Variants in NELL2 observed in about 807,000 individuals in gnomAD.
NELL2 encodes protein kinase C-binding protein NELL2.
NELL2 carries 41 observed loss-of-function variants against 109.6 expected under a neutral mutation model. That is an observed-to-expected ratio of 0.37 (90% CI 0.29 to 0.49). NELL2 has a LOEUF of 0.49. Among genes scored for constraint, NELL2 ranks in the 20% least tolerant of loss-of-function variants. The probability of loss-of-function intolerance (pLI) is 0.98; values close to 1 mark genes in which losing one functional copy is unlikely to be tolerated. For synonymous variants in NELL2, 355 were observed against 344.7 expected (o/e 1.03, Z -0.33); for missense variants, 900 against 1,008.3 (o/e 0.89, Z 1.45).
chr12:44,528,059 C>T (rs1005275100), intron 16 of NELL2, among the ~76,000 whole-genome samples: 3 of 127,568 alleles, frequency 2.4e-5, no homozygotes, highest in African/African-American at 6.0e-5. Context: ...GATCGCCTCA[C>T]TGCACTCCAG....
chr12:44,875,597 C>G (rs559597201), intron 1 of NELL2: 1 of 1,613,562 alleles, frequency 6.2e-7, no homozygotes, highest in East Asian at 2.2e-5. Context: ...AGTTCCCCCT[C>G]AGCCCTCCGA....
chr12:44,686,917 C>T (rs1592335522), intron 12 of NELL2, among the ~76,000 whole-genome samples: 1 of 152,176 alleles, frequency 6.6e-6, no homozygotes, highest in Non-Finnish European at 1.5e-5. Flanking sequence ...GGCAGGCAGG[C>T]CTCCTTGAGC....
At position 44,523,460 on chromosome 12, in the gene NELL2, C is replaced by T. The variant is rs773873793; in HGVS notation, c.1829G>A (p.Arg610Lys). 2.5e-6 allele frequency: 4 copies of T among 1,613,836 alleles called. No individual in the cohort carries two copies. The East Asian group carries it at 8.9e-5, about 36-fold the overall frequency. The change falls in exon 17 of 20, where the codon AGG (arginine) becomes AAG (lysine). Residue 610 changes from arginine (R) to lysine (K), a missense_variant. Transcript: ENST00000429094. ...CEDIDECGTG[R>K]HSCANDTICF... ...AATGGTATCATTGGCACAGCTGTGC[C>T]TCCCGGTCCCACACTCATCAATATC...
At chr12:44,615,368 C>T (rs1945782509) in intron 13 of NELL2, among the ~76,000 whole-genome samples, 1 of 152,046 alleles carries the variant, frequency 6.6e-6, no homozygotes, top group Admixed American at 6.6e-5. Flanking sequence ...ATAATCATAG[C>T]TAAAATTCAG....
At position 44,773,765 on chromosome 12, in the gene NELL2, G is replaced by A. The variant is rs1941642732; in HGVS notation, c.994+982C>T. ...CTAATACAGTCTTATGAGACGGACTGGCTTCAATGTAAAGCCTAATAGAAT... is the reference window on the plus strand; with the variant it reads ...CTAATACAGTCTTATGAGACGGACTAGCTTCAATGTAAAGCCTAATAGAAT... On this transcript the variant is annotated intron_variant, in intron 9 of 19. Transcript: ENST00000429094. Among the ~76,000 whole-genome samples, 3 of 152,216 alleles carry A rather than the reference G, an allele frequency of 2.0e-5. No homozygotes were observed. The South Asian group carries it at 6.2e-4, about 32-fold the overall frequency.
At chr12:44,898,305 A>G (rs1226410916) in intron 1 of NELL2, among the ~76,000 whole-genome samples, 2 of 152,148 alleles carry the variant, frequency 1.3e-5, no homozygotes, top group Admixed American at 1.3e-4. Context: ...ATGCCTCCTG[A>G]TGGAGAGACA....
intron 11 of NELL2, 95 bp from the exon 12 acceptor site, chr12:44,703,949 T>C: frequency 9.4e-7 from 1 of 1,068,834 alleles, no homozygotes; most frequent in Non-Finnish European, 1.3e-6. Context: ...AAGCTATGAC[T>C]CCCTAAATAA....
At chr12:44,703,985 A>G (rs906295857) in intron 11 of NELL2, 131 bp from the exon 12 acceptor site, 2 of 716,932 alleles carry the variant, frequency 2.8e-6, no homozygotes, top group Non-Finnish European at 4.4e-6. Flanking sequence ...CTTCATCAAC[A>G]TTTACAGAAG....
At chr12:44,567,824 A>T (rs1225486009) in intron 15 of NELL2, among the ~76,000 whole-genome samples, 6 of 152,122 alleles carry the variant, frequency 3.9e-5, no homozygotes, top group Non-Finnish European at 8.8e-5. Flanking sequence ...ATCTTACAAT[A>T]ATCTTGTACA....
At chr12:44,660,758 T>C (rs190846534) in intron 13 of NELL2, among the ~76,000 whole-genome samples, 30 of 152,176 alleles carry the variant, frequency 2.0e-4, no homozygotes, top group African/African-American at 7.0e-4. Flanking sequence ...TTTTTTGTTG[T>C]AGTAGAGAGC....
At chr12:44,896,867 G>C (rs1945599352) in intron 1 of NELL2, among the ~76,000 whole-genome samples, 1 of 152,232 alleles carries the variant, frequency 6.6e-6, no homozygotes, top group Non-Finnish European at 1.5e-5. Flanking sequence ...TGGAAGATAT[G>C]GATGGACAGG....
At chr12:44,886,133 AAGG>A (rs1945470436) in intron 1 of NELL2, among the ~76,000 whole-genome samples, 2 of 143,552 alleles carry the variant, frequency 1.4e-5, no homozygotes, top group Non-Finnish European at 3.0e-5. Flanking sequence ...GGAAGGAAGG[AAGG>A]AAGGAAGGAA....
chr12:44,605,871 G>T (rs1157129076), intron 15 of NELL2, among the ~76,000 whole-genome samples: 1 of 152,130 alleles, frequency 6.6e-6, no homozygotes, highest in Non-Finnish European at 1.5e-5. Flanking sequence ...AACTGGTGGA[G>T]AGCATGCCAT....
chr12:44,682,241 C>T (rs1176154682), intron 12 of NELL2, among the ~76,000 whole-genome samples: 1 of 150,308 alleles, frequency 6.7e-6, no homozygotes, highest in Non-Finnish European at 1.5e-5. Context: ...TGTTCATGTC[C>T]TTTGCCCACT....
intron 14 of NELL2, among the ~76,000 whole-genome samples, chr12:44,608,841 A>G (rs1216243268): frequency 1.3e-5 from 2 of 151,518 alleles, no homozygotes; most frequent in African/African-American, 4.8e-5. Context: ...AATGCATTTC[A>G]AGATCCCCAG....
At chr12:44,685,131 G>C (rs988353771) in intron 12 of NELL2, among the ~76,000 whole-genome samples, 1 of 152,192 alleles carries the variant, frequency 6.6e-6, no homozygotes, top group African/African-American at 2.4e-5. Flanking sequence ...ATTTAGGATA[G>C]TTAGTTCTTC....
intron 12 of NELL2, among the ~76,000 whole-genome samples, chr12:44,689,023 T>C (rs1253759674): frequency 6.6e-6 from 1 of 152,180 alleles, no homozygotes; most frequent in Non-Finnish European, 1.5e-5. Flanking sequence ...AGAAATTCAA[T>C]AATATTACAG....
intron 13 of NELL2, among the ~76,000 whole-genome samples, chr12:44,664,655 T>C (rs568945545): frequency 6.6e-6 from 1 of 152,178 alleles, no homozygotes; most frequent in Non-Finnish European, 1.5e-5. Flanking sequence ...GCTAGAGAAA[T>C]AGGTGACAAG....
intron 3 of NELL2, among the ~76,000 whole-genome samples, chr12:44,802,066 C>T (rs1270639049): frequency 1.3e-5 from 2 of 151,996 alleles, no homozygotes; most frequent in Non-Finnish European, 2.9e-5. Flanking sequence ...ATGTTTGTAC[C>T]GTTTTCATAT....
Sources: gnomAD v4.1 joint callset for allele counts (sites outside exome capture counted in the v4.1 genomes callset) on GRCh38, gnomAD v4.1.1 for gene constraint, MANE v1.5 for transcripts, NCBI Gene and HGNC (gene_info 2026-07-23, HGNC 2026-07-21) for gene names.